Variants in GRK5 observed in about 807,000 individuals in gnomAD.
GRK5 encodes the protein G protein-coupled receptor kinase 5.
In GRK5, 40 loss-of-function variants were observed where a neutral mutation model predicts 78.4. The observed-to-expected ratio is 0.51, with a 90% CI of 0.40 to 0.66. GRK5 has a LOEUF of 0.66. GRK5 is among the 30% of genes least tolerant of loss of function. GRK5 has a pLI of 0.00. For missense variants in GRK5, 598 were observed against 759.9 expected, an observed-to-expected ratio of 0.79 and a Z score of 2.50; for synonymous variants, 289 against 296.8, an observed-to-expected ratio of 0.97 and a Z score of 0.27.
At chr10:119,407,693 C>T (rs2133866018) in intron 4 of GRK5, among the ~76,000 whole-genome samples, 1 of 152,344 alleles carries the variant, frequency 6.6e-6, no homozygotes, top group South Asian at 2.1e-4. Flanking sequence ...CCCAGGCAGT[C>T]AGAGTTCTTT....
At chr10:119,390,388 T>C (rs1221448410) in intron 3 of GRK5, among the ~76,000 whole-genome samples, 2 of 152,146 alleles carry the variant, frequency 1.3e-5, no homozygotes, top group Non-Finnish European at 2.9e-5. Context: ...AACTGCCCTT[T>C]ATAAAACCAT....
chr10:119,240,189 CTTTTTTTTTT>C lies in GRK5; in HGVS notation c.52+32240_52+32249del, dbSNP rs55905745. On this transcript the variant is annotated intron_variant, in intron 1 of 15. Coordinates refer to ENST00000392870, the MANE Select transcript of GRK5 (RefSeq NM_005308.3). ...ATCCTCTCCAGCATCTGTTTCCCGACTTTTTTTTTTTTTTTTTTTTTTTTTTTTTGAGACG... is the reference window on the plus strand; with the variant it reads ...ATCCTCTCCAGCATCTGTTTCCCGACTTTTTTTTTTTTTTTTTTTGAGACG... Among the ~76,000 whole-genome samples the C allele has an allele frequency of 3.0e-3, 212 of 70,084 alleles. 1 individual carries two copies. Among genetic ancestry groups the C allele is most frequent in the African/African-American group, 0.013 (209 of 16,202 alleles). 46.0% of individuals were successfully genotyped at this position (70,084 alleles called of 152,430 possible).
At chr10:119,407,205 TC>T (rs1415584644) in intron 4 of GRK5, among the ~76,000 whole-genome samples, 1 of 152,150 alleles carries the variant, frequency 6.6e-6, no homozygotes, top group African/African-American at 2.4e-5. Flanking sequence ...GTTCTGTGGA[TC>T]CCAGTTTAAG....
In GRK5 at chr10:119,455,538, TCA is replaced by T; in HGVS notation, c.*472_*473del. ...AGGCATTTTAGCGGGGAGGGGGTTATCAAAAAAAAAAAAATGTGACTCAAGAC... is the reference window on the plus strand; with the variant it reads ...AGGCATTTTAGCGGGGAGGGGGTTATAAAAAAAAAAAATGTGACTCAAGAC... On this transcript the variant is annotated 3_prime_UTR_variant, in exon 16 of 16. Transcript: ENST00000392870. 3.9e-6 allele frequency: 1 copy of T among 258,376 alleles called. No individual in the cohort carries two copies. Among genetic ancestry groups the T allele is most frequent in the Non-Finnish European group, 7.5e-6 (1 of 134,004 alleles). 16.0% of individuals were successfully genotyped at this position (258,376 alleles called of 1,614,324 possible). A position where few individuals can be genotyped will look rare whatever the true frequency, so the allele number is the denominator to read the frequency against.
rs888404142 is a variant in GRK5 at position 119,284,077 on chromosome 10, GC to G, written c.53-42436del. Among the ~76,000 whole-genome samples the G allele has an allele frequency of 1.3e-4, 20 of 152,194 alleles. 1 individual carries two copies. Among genetic ancestry groups the G allele is most frequent in the Middle Eastern group, 3.4e-3 (1 of 294 alleles). ...TGGGTACAGGTAGGAAATGAAACCT[GC>G]CCAACATCAAACAACCAGTCAAGGA... On this transcript the variant is annotated intron_variant, in intron 1 of 15. Coordinates refer to ENST00000392870, the MANE Select transcript of GRK5 (RefSeq NM_005308.3).
intron 1 of GRK5, among the ~76,000 whole-genome samples, chr10:119,286,720 G>C (rs900471683): frequency 7.9e-5 from 12 of 152,266 alleles, no homozygotes; most frequent in African/African-American, 2.9e-4. Context: ...GGCACCCCTT[G>C]GAAGCGGTCA....
intron 1 of GRK5, among the ~76,000 whole-genome samples, chr10:119,288,577 C>T (rs922969104): frequency 1.3e-5 from 2 of 152,234 alleles, no homozygotes; most frequent in Non-Finnish European, 2.9e-5. Context: ...TGGACCACAT[C>T]TCTGCTGTAC....
chr10:119,210,217 C>G (rs114360399), intron 1 of GRK5, among the ~76,000 whole-genome samples: 1 of 152,100 alleles, frequency 6.6e-6, no homozygotes, highest in Non-Finnish European at 1.5e-5. Context: ...GAGAAAATAG[C>G]TCTTGATGAT....
Position 119,234,779 on chromosome 10 carries a change from G to C in GRK5, c.52+26810G>C, listed in dbSNP as rs186135880. 7.4e-4 allele frequency among the ~76,000 whole-genome samples: 113 copies of C among 151,872 alleles called. 1 individual carries two copies. Among genetic ancestry groups the C allele is most frequent in the Admixed American group, 7.2e-3 (109 of 15,220 alleles). ...ACGATCTCGGCTCACTGCAACCTCT[G>C]CCTCCTGGGTTCAAGTGATTGTCCT... is the stretch of plus-strand genomic sequence containing the variant. On this transcript the variant is annotated intron_variant, in intron 1 of 15. Coordinates refer to ENST00000392870, the MANE Select transcript of GRK5 (RefSeq NM_005308.3).
intron 1 of GRK5, among the ~76,000 whole-genome samples, chr10:119,233,222 C>T (rs1262558403): frequency 6.6e-6 from 1 of 152,184 alleles, no homozygotes; most frequent in Non-Finnish European, 1.5e-5. Flanking sequence ...GCAACAGCAC[C>T]TCCATTTTTC....
At chr10:119,404,188 T>G (rs1033180932) in intron 4 of GRK5, among the ~76,000 whole-genome samples, 2 of 148,864 alleles carry the variant, frequency 1.3e-5, no homozygotes, top group African/African-American at 4.8e-5. Flanking sequence ...CTATTTTCTG[T>G]GTTTTTTATT....
chr10:119,234,842 G>A (rs947203159), intron 1 of GRK5, among the ~76,000 whole-genome samples: 7 of 151,670 alleles, frequency 4.6e-5, no homozygotes, highest in African/African-American at 2.4e-5. Flanking sequence ...ATAGGTGCAC[G>A]CCTTGTATTT....
chr10:119,423,801 GCA>G (rs34038078), intron 5 of GRK5, among the ~76,000 whole-genome samples: 2 of 151,178 alleles, frequency 1.3e-5, no homozygotes, highest in East Asian at 1.9e-4. Flanking sequence ...ACACACGCAA[GCA>G]CACACACACA....
intron 4 of GRK5, among the ~76,000 whole-genome samples, chr10:119,399,424 A>G (rs1314373482): frequency 1.3e-5 from 2 of 152,222 alleles, no homozygotes; most frequent in African/African-American, 2.4e-5. Context: ...GCACTGGCTC[A>G]GAAGACTTTG....
chr10:119,448,020 C>A lies in GRK5; in HGVS notation c.1267-103C>A, dbSNP rs543165997. 47 of 1,353,604 alleles carry A rather than the reference C, an allele frequency of 3.5e-5. No individual in the cohort carries two copies. The South Asian group carries it at 7.2e-4, about 21-fold the overall frequency. 83.8% of individuals were successfully genotyped at this position (1,353,604 alleles called of 1,614,324 possible). On this transcript the variant is annotated intron_variant, in intron 12 of 15. Transcript: ENST00000392870. The stretch of plus-strand genomic sequence containing the variant: ...GCAAGACCTTTGCAGGGTGGGGCAG[C>A]GTGTCTTGGGTTCCTAGGCATGGTG...
intron 2 of GRK5, among the ~76,000 whole-genome samples, chr10:119,357,606 G>A (rs1009170709): frequency 4.6e-5 from 7 of 152,222 alleles, no homozygotes; most frequent in Non-Finnish European, 8.8e-5. Context: ...CCAGGTGCCA[G>A]GGAAATTCTG....
intron 1 of GRK5, among the ~76,000 whole-genome samples, chr10:119,301,869 C>CCCTG (rs1850187672): frequency 6.6e-6 from 1 of 152,192 alleles, no homozygotes; most frequent in Non-Finnish European, 1.5e-5. Context: ...TGAGCCTGGA[C>CCCTG]CCTGTCTTGA....
At chr10:119,236,722 C>A (rs1281722615) in intron 1 of GRK5, among the ~76,000 whole-genome samples, 1 of 152,096 alleles carries the variant, frequency 6.6e-6, no homozygotes, top group Non-Finnish European at 1.5e-5. Context: ...TTACTGCAAC[C>A]TCTGCCTCCC....
At chr10:119,257,761 A>C (rs891519933) in intron 1 of GRK5, among the ~76,000 whole-genome samples, 1 of 152,104 alleles carries the variant, frequency 6.6e-6, no homozygotes, top group African/African-American at 2.4e-5. Context: ...TGCTGGGGCA[A>C]AGTGGCTGAG....
Sources: gnomAD v4.1 joint callset for allele counts (sites outside exome capture counted in the v4.1 genomes callset) on GRCh38, gnomAD v4.1.1 for gene constraint, MANE v1.5 for transcripts, NCBI Gene and HGNC (gene_info 2026-07-23, HGNC 2026-07-21) for gene names.